Variants in PSD3 observed in about 807,000 individuals in gnomAD.
PSD3 encodes pleckstrin and Sec7 domain containing 3.
PSD3 carries 49 observed loss-of-function variants against 105.5 expected under a neutral mutation model. That is an observed-to-expected ratio of 0.46 (90% CI 0.37 to 0.59). The LOEUF (loss-of-function observed/expected upper bound fraction) is 0.59, where lower values mean the gene tolerates loss of function less well. Ranked by LOEUF, PSD3 falls within the 20% of genes least tolerant of loss-of-function variation. The pLI is 0.00. For missense variants in PSD3, 1,561 were observed against 1,263.8 expected (o/e 1.24, Z -3.57); for synonymous variants, 557 against 457.8 (o/e 1.22, Z -2.77).
chr8:18,727,537 T>A (rs1182313561), intron 9 of PSD3, among the ~76,000 whole-genome samples: 3 of 143,168 alleles, frequency 2.1e-5, no homozygotes, highest in Admixed American at 1.4e-4. Context: ...ATAGCTAAAT[T>A]AAAAAAAAAT....
At chr8:18,959,342 C>A (rs946552397) in intron 1 of PSD3, among the ~76,000 whole-genome samples, 1 of 152,152 alleles carries the variant, frequency 6.6e-6, no homozygotes, top group Admixed American at 6.5e-5. Flanking sequence ...TGCATGAATT[C>A]CAACTGAAAA....
At chr8:18,753,440 C>A (rs1031218656) in intron 9 of PSD3, among the ~76,000 whole-genome samples, 52 of 151,948 alleles carry the variant, frequency 3.4e-4, no homozygotes, top group African/African-American at 1.1e-3. Context: ...AGTTCATGTA[C>A]CTGCATTATC....
At chr8:18,791,192 A>C (rs1809688449) in intron 8 of PSD3, among the ~76,000 whole-genome samples, 1 of 152,216 alleles carries the variant, frequency 6.6e-6, no homozygotes. Context: ...CCATTAAACT[A>C]CCATTGACCT....
rs1805249263 is a variant in PSD3 at position 18,748,894 on chromosome 8, A to T, written c.2172+16555T>A. 2.0e-5 allele frequency among the ~76,000 whole-genome samples: 3 copies of T among 152,166 alleles called. No individual in the cohort carries two copies. In the South Asian group the frequency reaches 6.2e-4, roughly 31 times the overall value. On this transcript the variant is annotated intron_variant, in intron 9 of 15. Transcript: ENST00000327040. ...GGGCAATACAAAAGGAGAGTGGGAG[A>T]CTTTTCCCAAAGGCCACATTCTCTG...
chr8:18,991,484 G>A (rs1217249687), intron 1 of PSD3, among the ~76,000 whole-genome samples: 1 of 152,030 alleles, frequency 6.6e-6, no homozygotes, highest in Non-Finnish European at 1.5e-5. Flanking sequence ...CCTACAGGCA[G>A]GGCCTTCTCT....
intron 10 of PSD3, among the ~76,000 whole-genome samples, chr8:18,649,925 G>A (rs1317901713): frequency 6.6e-6 from 1 of 152,200 alleles, no homozygotes; most frequent in Non-Finnish European, 1.5e-5. Context: ...TTCCCCAGAA[G>A]CTGAGCAGAT....
intron 1 of PSD3, among the ~76,000 whole-genome samples, chr8:18,948,014 C>T (rs1215947380): frequency 1.3e-5 from 2 of 152,178 alleles, no homozygotes; most frequent in Non-Finnish European, 1.5e-5. Context: ...AGAAAATTAA[C>T]AACCGACTAT....
intron 12 of PSD3, among the ~76,000 whole-genome samples, chr8:18,582,462 T>C (rs1802881026): frequency 6.6e-6 from 1 of 152,110 alleles, no homozygotes; most frequent in Non-Finnish European, 1.5e-5. Context: ...TTTCTCTTCC[T>C]CCTAGGGCAC....
rs1014996604 is a variant in PSD3 at position 18,744,398 on chromosome 8, C to G, written c.2172+21051G>C. Among the ~76,000 whole-genome samples the G allele has an allele frequency of 2.6e-5, 4 of 152,176 alleles. No individual in the cohort carries two copies. In the East Asian group the frequency reaches 5.8e-4, roughly 22 times the overall value. ...CTCTTAACCCCTTCTCTTCACTTTG[C>G]CATCCATACCACTACTCATAACTCT... On this transcript the variant is annotated intron_variant, in intron 9 of 15. Transcript: ENST00000327040.
chr8:19,049,351 G>C (rs1331464308), intron 1 of PSD3, among the ~76,000 whole-genome samples: 1 of 152,110 alleles, frequency 6.6e-6, no homozygotes, highest in Non-Finnish European at 1.5e-5. Context: ...GTTTGAATGA[G>C]CTCCCTGTGC....
upstream of PSD3, chr8:19,013,714 G>A: frequency 1.3e-6 from 1 of 773,142 alleles, no homozygotes; most frequent in Non-Finnish European, 1.7e-6. Context: ...GAGAGGCGGC[G>A]GCCCGCGCGC....
intron 14 of PSD3, among the ~76,000 whole-genome samples, chr8:18,563,683 T>C (rs780805099): frequency 1.6e-4 from 25 of 152,194 alleles, no homozygotes; most frequent in Non-Finnish European, 3.5e-4. Flanking sequence ...GGGTACTTAA[T>C]ATATATTAAA....
intron 15 of PSD3, among the ~76,000 whole-genome samples, chr8:18,543,124 GCT>G: frequency 6.6e-6 from 1 of 152,130 alleles, no homozygotes; most frequent in South Asian, 2.1e-4. Context: ...CATTCAGTGA[GCT>G]CTCTCTCTTA....
At chr8:19,005,769 G>A (rs983016677) in intron 1 of PSD3, among the ~76,000 whole-genome samples, 2 of 151,986 alleles carry the variant, frequency 1.3e-5, no homozygotes, top group Non-Finnish European at 2.9e-5. Flanking sequence ...GATTACAGGT[G>A]TGAGCCACTG....
intron 11 of PSD3, among the ~76,000 whole-genome samples, chr8:18,615,800 A>T (rs2130677625): frequency 6.6e-6 from 1 of 152,332 alleles, no homozygotes; most frequent in South Asian, 2.1e-4. Context: ...GGTTTCCTCA[A>T]CCTCTGAAGC....
chr8:18,648,954 C>T (rs529150711), intron 10 of PSD3, among the ~76,000 whole-genome samples: 2 of 152,374 alleles, frequency 1.3e-5, no homozygotes, highest in East Asian at 3.9e-4. Flanking sequence ...GCTTCGGAGC[C>T]TTTGCCTAGA....
chr8:19,021,625 A>G (rs562741750), intron 1 of PSD3, among the ~76,000 whole-genome samples: 2 of 151,854 alleles, frequency 1.3e-5, no homozygotes, highest in Admixed American at 6.6e-5. Context: ...CCATGTAAGT[A>G]TCATAACCAG....
intron 9 of PSD3, among the ~76,000 whole-genome samples, chr8:18,731,032 C>A (rs1803707799): frequency 6.6e-6 from 1 of 151,764 alleles, no homozygotes; most frequent in Non-Finnish European, 1.5e-5. Flanking sequence ...ACCCCTTTAC[C>A]TCCCCCACAA....
At chr8:19,045,351 GA>G (rs1486297992) in intron 1 of PSD3, among the ~76,000 whole-genome samples, 3 of 152,174 alleles carry the variant, frequency 2.0e-5, no homozygotes, top group Non-Finnish European at 4.4e-5. Flanking sequence ...CAAGACAATA[GA>G]AAAAGTTGAC....
Sources: allele counts gnomAD v4.1 joint callset (sites outside exome capture counted in the v4.1 genomes callset), GRCh38; gene constraint gnomAD v4.1.1; transcripts MANE v1.5; gene names NCBI Gene and HGNC (gene_info 2026-07-23, HGNC 2026-07-21).